KLF12: variants seen among roughly 807,000 people sequenced by gnomAD.
KLF12 encodes Krueppel-like factor 12.
KLF12 carries 9 observed loss-of-function variants against 37.8 expected under a neutral mutation model. The ratio of observed to expected loss-of-function variants is 0.24; its 90% CI spans 0.14 to 0.42. The LOEUF is 0.42. Ranked by LOEUF, KLF12 falls within the 10% of genes least tolerant of loss-of-function variation. The pLI, the probability that KLF12 is intolerant of heterozygous loss-of-function variation, is 1.00. For synonymous variants in KLF12, 208 were observed against 202.1 expected, an observed-to-expected ratio of 1.03 and a Z score of -0.25; for missense variants, 411 against 516.0, an observed-to-expected ratio of 0.80 and a Z score of 1.97.
intron 5 of KLF12, among the ~76,000 whole-genome samples, chr13:73,795,206 G>A (rs1357074293): frequency 6.6e-6 from 1 of 152,170 alleles, no homozygotes; most frequent in Non-Finnish European, 1.5e-5. Context: ...CACACTGACT[G>A]CTGATTTTTG....
chr13:74,123,873 T>C (rs898357303), intron 1 of KLF12, among the ~76,000 whole-genome samples: 3 of 152,208 alleles, frequency 2.0e-5, no homozygotes, highest in African/African-American at 7.2e-5. Flanking sequence ...GTTCTGCCAA[T>C]TTCTAGACTT....
intron 4 of KLF12, among the ~76,000 whole-genome samples, chr13:73,824,411 G>A (rs1197811412): frequency 7.1e-6 from 1 of 141,168 alleles, no homozygotes; most frequent in African/African-American, 2.5e-5. Context: ...TGAATGTCAG[G>A]GTCTCCTCTG....
At chr13:73,718,761 G>A (rs909879731) in intron 6 of KLF12, among the ~76,000 whole-genome samples, 1 of 152,184 alleles carries the variant, frequency 6.6e-6, no homozygotes, top group African/African-American at 2.4e-5. Flanking sequence ...GGGCGTGGTG[G>A]CATGTGCCTG....
intron 1 of KLF12, among the ~76,000 whole-genome samples, chr13:74,042,832 C>T (rs894404918): frequency 3.3e-5 from 5 of 152,140 alleles, no homozygotes; most frequent in African/African-American, 1.2e-4. Flanking sequence ...AAAGCATTAA[C>T]TGAGGCACAA....
the KLF12 span, among the ~76,000 whole-genome samples, chr13:74,194,504 G>C: frequency 6.6e-6 from 1 of 152,176 alleles, no homozygotes; most frequent in African/African-American, 2.4e-5. Flanking sequence ...CATAGGGCAG[G>C]AGGGAGGACA....
chr13:73,712,338 C>CAAAAAAAAAAAAAAAA (rs752694466), intron 7 of KLF12, among the ~76,000 whole-genome samples: 3 of 42,058 alleles, frequency 7.1e-5, no homozygotes, highest in African/African-American at 1.5e-4. Flanking sequence ...AACTCCATGT[C>CAAAAAAAAAAAAAAAA]AAAAAAAAAA....
Position 73,696,190 on chromosome 13 carries a change from A to G in KLF12, c.1028-519T>C, listed in dbSNP as rs1031296458. ...CGATAATGTACTCTACTACCTCCAG[A>G]TATCAGGTATTAAGTACATATTGTT... On this transcript the variant is annotated intron_variant, in intron 7 of 7. Transcript: ENST00000377669. Among the ~76,000 whole-genome samples the G allele has an allele frequency of 2.6e-5, 4 of 152,120 alleles. No homozygotes were observed. The East Asian group carries it at 5.8e-4, about 22-fold the overall frequency.
At chr13:73,999,499 C>G (rs561305719) in intron 1 of KLF12, among the ~76,000 whole-genome samples, 34 of 152,158 alleles carry the variant, frequency 2.2e-4, no homozygotes, top group African/African-American at 7.5e-4. Flanking sequence ...TTTGGGAGAC[C>G]CAGGTGGGCA....
intron 3 of KLF12, among the ~76,000 whole-genome samples, chr13:73,866,296 G>A (rs1312245626): frequency 6.6e-6 from 1 of 152,062 alleles, no homozygotes; most frequent in Non-Finnish European, 1.5e-5. Context: ...AGACACACAG[G>A]AAAGGTATTA....
chr13:73,691,658 G>A lies in KLF12; in HGVS notation c.*3832C>T, dbSNP rs557809387. On this transcript the variant is annotated 3_prime_UTR_variant, in exon 8 of 8. Coordinates refer to ENST00000377669, the MANE Select transcript of KLF12 (RefSeq NM_007249.5). Reference sequence around the variant, plus strand: ...GCAGTCATAACAACATAACAAAGGCGTATTAATACATTTTGAAGGCCTCAC... The same window carrying A: ...GCAGTCATAACAACATAACAAAGGCATATTAATACATTTTGAAGGCCTCAC... 6 of 152,524 alleles carry A rather than the reference G, an allele frequency of 3.9e-5. No individual in the cohort carries two copies. The East Asian group carries it at 5.8e-4, about 15-fold the overall frequency. 9.4% of individuals were successfully genotyped at this position (152,524 alleles called of 1,614,324 possible). A position where few individuals can be genotyped will look rare whatever the true frequency, so the allele number is the denominator to read the frequency against.
At chr13:73,869,702 C>A (rs1886375243) in intron 3 of KLF12, among the ~76,000 whole-genome samples, 1 of 152,030 alleles carries the variant, frequency 6.6e-6, no homozygotes, top group East Asian at 1.9e-4. Context: ...TGTAATTACT[C>A]TTTAATAGTT....
rs1199787282 is a variant in KLF12, at chr13:73,840,758, T to G, written c.670+5069A>C. On this transcript the variant is annotated intron_variant, in intron 4 of 7. Transcript: ENST00000377669. Reference sequence around the variant, plus strand: ...TGAACCCAGTGGCTTCCCAACATATTTAAAACAAAACCAAAGACTGTACAG... The same window carrying G: ...TGAACCCAGTGGCTTCCCAACATATGTAAAACAAAACCAAAGACTGTACAG... 2.6e-5 allele frequency among the ~76,000 whole-genome samples: 4 copies of G among 152,154 alleles called. No homozygotes were observed. The East Asian group carries it at 7.7e-4, about 29-fold the overall frequency.
In KLF12 at chr13:74,049,019, G is replaced by A. The variant is rs556165626; in HGVS notation, c.-31-53966C>T. Among the ~76,000 whole-genome samples, 12 of 152,222 alleles carry A rather than the reference G, an allele frequency of 7.9e-5. No homozygotes were observed. The South Asian group carries it at 1.5e-3, about 18-fold the overall frequency. On this transcript the variant is annotated intron_variant, in intron 1 of 7. Coordinates refer to ENST00000377669, the MANE Select transcript of KLF12 (RefSeq NM_007249.5). ...TCAGCTCCCTACGACCAGAAATGGCGGTAAAAGTCTAGCTAAAATGAGGAA... is the reference window on the plus strand; with the variant it reads ...TCAGCTCCCTACGACCAGAAATGGCAGTAAAAGTCTAGCTAAAATGAGGAA...
intron 3 of KLF12, among the ~76,000 whole-genome samples, chr13:73,887,129 A>C (rs995548521): frequency 6.6e-6 from 1 of 152,214 alleles, no homozygotes; most frequent in Non-Finnish European, 1.5e-5. Context: ...AAATCTTCAA[A>C]AATAGAAATT....
chr13:73,958,992 C>A (rs978932660), intron 2 of KLF12, among the ~76,000 whole-genome samples: 3 of 152,002 alleles, frequency 2.0e-5, no homozygotes, highest in Non-Finnish European at 4.4e-5. Flanking sequence ...TAGCACTGGC[C>A]TCTTTATCCC....
intron 1 of KLF12, among the ~76,000 whole-genome samples, chr13:74,088,077 T>G (rs1174668433): frequency 6.6e-6 from 1 of 152,086 alleles, no homozygotes; most frequent in African/African-American, 2.4e-5. Context: ...AAAAGCATGG[T>G]CTTGCTCTCT....
chr13:74,071,408 C>T (rs1012531415), intron 1 of KLF12, among the ~76,000 whole-genome samples: 13 of 152,056 alleles, frequency 8.5e-5, no homozygotes, highest in East Asian at 3.9e-4. Context: ...TGACTGGGGC[C>T]GGGCGCAGTG....
chr13:73,718,504 C>T (rs1479307982), intron 6 of KLF12, among the ~76,000 whole-genome samples: 1 of 152,182 alleles, frequency 6.6e-6, no homozygotes, highest in Non-Finnish European at 1.5e-5. Flanking sequence ...TGCCTGTAAT[C>T]CCAGCACGTA....
Position 73,691,079 on chromosome 13 carries a change from T to C in KLF12, c.*4411A>G, listed in dbSNP as rs934391363. On this transcript the variant is annotated 3_prime_UTR_variant, in exon 8 of 8. Coordinates refer to ENST00000377669, the MANE Select transcript of KLF12 (RefSeq NM_007249.5). Reference sequence around the variant, plus strand: ...ATAGTATTATAAGCCGGTTTCCTAATAAGGTAAGTAACTCACATTTCTAGA... The same window carrying C: ...ATAGTATTATAAGCCGGTTTCCTAACAAGGTAAGTAACTCACATTTCTAGA... The C allele has an allele frequency of 3.3e-5, 5 of 152,656 alleles. No individual in the cohort carries two copies. The highest frequency in any genetic ancestry group is 1.2e-4 in the African/African-American group (5 of 41,460). The allele number at this position is 152,656 out of a possible 1,614,324, so 9.5% of individuals were successfully genotyped here.
Sources: allele counts gnomAD v4.1 joint callset (sites outside exome capture counted in the v4.1 genomes callset), GRCh38; gene constraint gnomAD v4.1.1; transcripts MANE v1.5; gene names NCBI Gene and HGNC (gene_info 2026-07-23, HGNC 2026-07-21).